Variants in DEPDC1B observed in about 807,000 individuals in gnomAD.
DEPDC1B encodes the protein DEP domain containing 1B.
DEPDC1B carries 51 observed loss-of-function variants against 66.5 expected under a neutral mutation model. That is an observed-to-expected ratio of 0.77 (90% confidence interval 0.61 to 0.97). The LOEUF is 0.97. DEPDC1B is among the 50% of genes least tolerant of loss of function. The pLI is 0.00. For missense variants in DEPDC1B, 552 were observed against 637.1 expected, an observed-to-expected ratio of 0.87 and a Z score of 1.44; for synonymous variants, 226 against 223.6, an observed-to-expected ratio of 1.01 and a Z score of -0.10.
intron 2 of DEPDC1B, among the ~76,000 whole-genome samples, chr5:60,652,021 G>A (rs1253799374): frequency 7.6e-6 from 1 of 131,974 alleles, no homozygotes; most frequent in Non-Finnish European, 1.5e-5. Flanking sequence ...CACAGGATGG[G>A]AAACAAAGCC....
At chr5:60,681,786 A>AT (rs201118059) in intron 2 of DEPDC1B, among the ~76,000 whole-genome samples, 34 of 148,886 alleles carry the variant, frequency 2.3e-4, no homozygotes, top group East Asian at 3.9e-4. Flanking sequence ...CTGAATTATA[A>AT]TTTTTTTTTT....
At chr5:60,605,936 T>C (rs1374181064) in intron 7 of DEPDC1B, 80 bp from the exon 8 acceptor site, 1 of 1,199,486 alleles carries the variant, frequency 8.3e-7, no homozygotes, top group African/African-American at 1.6e-5. Context: ...TAACAAAATA[T>C]ATATTAGTAA....
chr5:60,603,380 C>A lies in DEPDC1B; in HGVS notation c.1242+11G>T. 1 of 1,537,100 alleles carries A rather than the reference C, an allele frequency of 6.5e-7. No homozygotes were observed. Among genetic ancestry groups the A allele is most frequent in the Admixed American group, 2.3e-5 (1 of 43,680 alleles). The stretch of plus-strand genomic sequence containing the variant: ...CCAATTTCATAGAACTGATAATATC[C>A]TCTCCTTTACCTGGACTCTTCGTAG... On this transcript the variant is annotated intron_variant, in intron 9 of 10. Transcript: ENST00000265036.
intron 2 of DEPDC1B, among the ~76,000 whole-genome samples, chr5:60,652,625 A>G (rs1355714503): frequency 1.3e-5 from 2 of 148,932 alleles, no homozygotes; most frequent in African/African-American, 5.1e-5. Flanking sequence ...TTATTTCAAT[A>G]AGTCTTGAGG....
intron 7 of DEPDC1B, among the ~76,000 whole-genome samples, chr5:60,608,735 C>A (rs1346616894): frequency 1.3e-5 from 2 of 151,942 alleles, no homozygotes; most frequent in Admixed American, 6.6e-5. Context: ...TCCATTATAT[C>A]TTTTCAAAAA....
intron 2 of DEPDC1B, among the ~76,000 whole-genome samples, chr5:60,669,503 G>A (rs1561385687): frequency 6.6e-6 from 1 of 152,154 alleles, no homozygotes; most frequent in East Asian, 1.9e-4. Flanking sequence ...CATGATTTAT[G>A]CAAAACCATA....
intron 1 of DEPDC1B, among the ~76,000 whole-genome samples, chr5:60,691,173 T>C (rs919679404): frequency 6.6e-6 from 1 of 151,638 alleles, no homozygotes; most frequent in Non-Finnish European, 1.5e-5. Context: ...CCTGCCTCAG[T>C]CTCCCAAGTA....
chr5:60,687,048 T>A lies in DEPDC1B; in HGVS notation c.228A>T (p.Leu76=). The change falls in exon 2 of 11, where the codon CTA becomes CTT. Residue 76 remains leucine, a synonymous_variant. Transcript: ENST00000265036. ...EVTRKQTVQL[L]KKFLKNHVIE... Reference sequence around the variant, plus strand: ...TAACGTGATTCTTCAGGAATTTTTTTAGCAGCTGGACCGTTTGTTTGCGGG... The same window carrying A: ...TAACGTGATTCTTCAGGAATTTTTTAAGCAGCTGGACCGTTTGTTTGCGGG... 6.2e-7 allele frequency: 1 copy of A among 1,614,252 alleles called. No individual in the cohort carries two copies. The highest frequency in any genetic ancestry group is 1.1e-5 in the South Asian group (1 of 91,090).
intron 7 of DEPDC1B, among the ~76,000 whole-genome samples, chr5:60,606,163 A>G (rs1752305143): frequency 6.6e-6 from 1 of 152,146 alleles, no homozygotes; most frequent in Non-Finnish European, 1.5e-5. Flanking sequence ...GGCTAACACT[A>G]TCATAACCCT....
chr5:60,657,350 AT>A (rs1753600848), intron 2 of DEPDC1B, among the ~76,000 whole-genome samples: 1 of 152,104 alleles, frequency 6.6e-6, no homozygotes, highest in Non-Finnish European at 1.5e-5. Flanking sequence ...TGTTGCCTGA[AT>A]ACCTTGTTGT....
chr5:60,668,784 C>T (rs1753963513), intron 2 of DEPDC1B, among the ~76,000 whole-genome samples: 1 of 152,094 alleles, frequency 6.6e-6, no homozygotes, highest in Admixed American at 6.5e-5. Context: ...AAGTTTAAGT[C>T]AACATCAAAT....
At chr5:60,615,469 G>C (rs1050089262) in intron 7 of DEPDC1B, among the ~76,000 whole-genome samples, 1 of 152,220 alleles carries the variant, frequency 6.6e-6, no homozygotes, top group Non-Finnish European at 1.5e-5. Flanking sequence ...TTTTCCAACA[G>C]TCTTAGCAAA....
intron 2 of DEPDC1B, among the ~76,000 whole-genome samples, chr5:60,651,937 A>C (rs533305539): frequency 2.2e-4 from 34 of 152,208 alleles, no homozygotes; most frequent in Non-Finnish European, 4.4e-4. Context: ...CAATTTAAGA[A>C]TGATGAGGTG....
intron 7 of DEPDC1B, among the ~76,000 whole-genome samples, chr5:60,620,505 A>G (rs926297199): frequency 4.6e-5 from 7 of 152,270 alleles, no homozygotes; most frequent in African/African-American, 1.7e-4. Flanking sequence ...TTCTCAAAAG[A>G]AGACATTTAT....
chr5:60,603,478 CA>C lies in DEPDC1B; in HGVS notation c.1154del (p.Leu385ArgfsTer9). 6.2e-7 allele frequency: 1 copy of C among 1,613,110 alleles called. No homozygotes were observed. Among genetic ancestry groups the C allele is most frequent in the Non-Finnish European group, 8.5e-7 (1 of 1,179,634 alleles). ...ELLAARLVTF[L>X]MDNYQEILKV... is the part of the protein sequence containing the mutation. Reference sequence around the variant, plus strand: ...TCAGAATTTCCTGGTAATTGTCCATCAGAAACGTTACCAATCTAGCAGCTAA... The same window carrying C: ...TCAGAATTTCCTGGTAATTGTCCATCGAAACGTTACCAATCTAGCAGCTAA... On this transcript the variant is annotated frameshift_variant, in exon 9 of 11. Coordinates refer to ENST00000265036, the MANE Select transcript of DEPDC1B (RefSeq NM_018369.3). LOFTEE classifies it high-confidence loss of function.
intron 1 of DEPDC1B, among the ~76,000 whole-genome samples, chr5:60,692,355 G>A (rs1356364342): frequency 6.6e-6 from 1 of 152,118 alleles, no homozygotes; most frequent in East Asian, 1.9e-4. Context: ...AAGTATTTGA[G>A]GTGATGGATA....
intron 2 of DEPDC1B, among the ~76,000 whole-genome samples, chr5:60,660,752 T>C (rs1753696190): frequency 6.6e-6 from 1 of 152,198 alleles, no homozygotes; most frequent in South Asian, 2.1e-4. Flanking sequence ...AAAAAGGTGA[T>C]TTAACACTAA....
intron 2 of DEPDC1B, among the ~76,000 whole-genome samples, chr5:60,686,151 G>A (rs918866249): frequency 6.6e-6 from 1 of 152,184 alleles, no homozygotes; most frequent in Non-Finnish European, 1.5e-5. Context: ...GTGTCCCAGT[G>A]GAATGCCCTC....
At chr5:60,623,234 A>C (rs1203305426) in intron 7 of DEPDC1B, among the ~76,000 whole-genome samples, 1 of 152,196 alleles carries the variant, frequency 6.6e-6, no homozygotes, top group Non-Finnish European at 1.5e-5. Flanking sequence ...ACTACCCTGA[A>C]AAGATGATCC....
Sources: gnomAD v4.1 joint callset for allele counts (sites outside exome capture counted in the v4.1 genomes callset) on GRCh38, gnomAD v4.1.1 for gene constraint, MANE v1.5 for transcripts, NCBI Gene and HGNC (gene_info 2026-07-23, HGNC 2026-07-21) for gene names.